SLCO1A2: variants seen among roughly 807,000 people sequenced by gnomAD.
The protein encoded by SLCO1A2 is OATP-1.
In SLCO1A2, 67 loss-of-function variants were observed where a neutral mutation model predicts 69.0. The ratio of observed to expected loss-of-function variants is 0.97; its 90% CI spans 0.80 to 1.19. The LOEUF (loss-of-function observed/expected upper bound fraction) is 1.19, where lower values mean the gene tolerates loss of function less well. Ranked by LOEUF, SLCO1A2 falls within the 50% of genes most tolerant of loss-of-function variation. The probability of loss-of-function intolerance (pLI) is 0.00; values close to 1 mark genes in which losing one functional copy is unlikely to be tolerated. For missense variants in SLCO1A2, 787 were observed against 793.7 expected (o/e 0.99, Z 0.10); for synonymous variants, 260 against 265.9 (o/e 0.98, Z 0.22).
intron 1 of SLCO1A2, among the ~76,000 whole-genome samples, chr12:21,387,718 C>T (rs1940952319): frequency 1.3e-5 from 2 of 152,188 alleles, no homozygotes; most frequent in Admixed American, 1.3e-4. Flanking sequence ...GGAGCGCCCC[C>T]ACAGAGTCCC....
intron 2 of SLCO1A2, among the ~76,000 whole-genome samples, chr12:21,355,643 C>A (rs1047717289): frequency 6.6e-6 from 1 of 152,142 alleles, no homozygotes; most frequent in African/African-American, 2.4e-5. Flanking sequence ...GCAACCAAAT[C>A]TTTTCTCAGG....
At chr12:21,295,522 G>A (rs954580185) in intron 10 of SLCO1A2, 75 bp downstream of exon 10, 69 of 886,188 alleles carry the variant, frequency 7.8e-5, no homozygotes, top group African/African-American at 7.0e-4. Context: ...TGATCTGATC[G>A]TGCATTGCCA....
chr12:21,372,760 T>C (rs914376780), intron 2 of SLCO1A2: 1 of 155,854 alleles, frequency 6.4e-6, no homozygotes, highest in African/African-American at 2.4e-5. Context: ...AATGTAATAA[T>C]GACCCATCCG....
At position 21,311,992 on chromosome 12, in the gene SLCO1A2, G is replaced by A. The variant is rs555342791; in HGVS notation, c.335+2557C>T. Among the ~76,000 whole-genome samples the A allele has an allele frequency of 8.5e-3, 1,232 of 144,374 alleles. 4 individuals carry two copies. The highest frequency in any genetic ancestry group is 0.022 in the Middle Eastern group (6 of 278). The allele number at this position is 144,374 out of a possible 152,430, so 94.7% of individuals were successfully genotyped here. A position where few individuals can be genotyped will look rare whatever the true frequency, so the allele number is the denominator to read the frequency against. On this transcript the variant is annotated intron_variant, in intron 4 of 14. Transcript: ENST00000683939. ...AGAAGAAGGAGGAGGAGGAGGAAGA[G>A]GAGGAGGAGGAGAAGAAGAGGAGGA...
chr12:21,295,701 G>T lies in SLCO1A2; in HGVS notation c.1167C>A (p.His389Gln). 6.2e-7 allele frequency: 1 copy of T among 1,608,268 alleles called. No individual in the cohort carries two copies. The highest frequency in any genetic ancestry group is 8.5e-7 in the Non-Finnish European group (1 of 1,174,902). Residue 389 changes from histidine to glutamine, a missense_variant, in exon 10 of 15, where the codon CAC (histidine) becomes CAA (glutamine). By Grantham distance (24) the His-to-Gln change is conservative (BLOSUM62 0). Coordinates refer to ENST00000683939, the MANE Select transcript of SLCO1A2 (RefSeq NM_001386879.1). ...CAAGTAAGGATAACCAACATCCTAT[G>T]TGGGCAGCTTGTTTGACAGTAATCT... ...KFKITVKQAA[H>Q]IGCWLSLLEY...
Position 21,269,714 on chromosome 12 carries a change from G to T in SLCO1A2, c.1847C>A (p.Ala616Asp), listed in dbSNP as rs1942442567. 2 of 1,612,476 alleles carry T rather than the reference G, an allele frequency of 1.2e-6. No homozygotes were observed. Among genetic ancestry groups the T allele is most frequent in the Non-Finnish European group, 1.7e-6 (2 of 1,178,942 alleles). ...AALRGSSFVP[A>D]LIILILLRKC... ...CCTCAAAAGAATTAAGATGATTAAG[G>T]CTGGAACAAAGCTTGATCCTCTTAG... Residue 616 changes from alanine (A) to aspartate (D), a missense_variant, in exon 15 of 15, where the codon GCC (alanine) becomes GAC (aspartate). Coordinates refer to ENST00000683939, the MANE Select transcript of SLCO1A2 (RefSeq NM_001386879.1).
At chr12:21,383,349 C>T (rs1166010942) in intron 1 of SLCO1A2, among the ~76,000 whole-genome samples, 1 of 152,196 alleles carries the variant, frequency 6.6e-6, no homozygotes, top group Non-Finnish European at 1.5e-5. Context: ...AGTAGACCCA[C>T]ATCCTATAGC....
chr12:21,340,075 A>G (rs1953017025), intron 2 of SLCO1A2, among the ~76,000 whole-genome samples: 1 of 152,032 alleles, frequency 6.6e-6, no homozygotes, highest in Non-Finnish European at 1.5e-5. Context: ...GATTCTCAGT[A>G]AGAAAAAAAT....
In SLCO1A2 at chr12:21,269,213, A is replaced by G. The variant is rs1474595327; in HGVS notation, c.*335T>C. ...ATTTAGTGGAATTAAATAGGTTTTC[A>G]TAACAGAAAATTTTTAGAAGTATTA... is the stretch of plus-strand genomic sequence containing the variant. On this transcript the variant is annotated 3_prime_UTR_variant, in exon 15 of 15. Coordinates refer to ENST00000683939, the MANE Select transcript of SLCO1A2 (RefSeq NM_001386879.1). The G allele has an allele frequency of 6.0e-6, 1 of 166,324 alleles. No homozygotes were observed. The highest frequency in any genetic ancestry group is 1.3e-5 in the Non-Finnish European group (1 of 77,964). The allele number at this position is 166,324 out of a possible 1,614,324, so 10.3% of individuals were successfully genotyped here.
intron 2 of SLCO1A2, among the ~76,000 whole-genome samples, chr12:21,330,188 A>T (rs1300279938): frequency 3.3e-5 from 5 of 152,070 alleles, no homozygotes; most frequent in Admixed American, 3.3e-4. Context: ...TCTGTTTCTT[A>T]GTTTCAACTA....
Position 21,300,519 on chromosome 12 carries a change from A to C in SLCO1A2, c.739T>G (p.Phe247Val). ...ACTCCTGCACAAATCAGAAAGCCAA[A>C]CCACCATGCACCGACCCAACGAGTG... ...TDTRWVGAWWFGFLICAGVNV... is the reference protein window; with the variant it reads ...TDTRWVGAWWVGFLICAGVNV... Residue 247 changes from phenylalanine to valine, a missense_variant, in exon 8 of 15, where the codon TTT becomes GTT. Phe to Val is a conservative substitution (Grantham distance 50, BLOSUM62 -1). Transcript: ENST00000683939. 1 of 1,613,332 alleles carries C rather than the reference A, an allele frequency of 6.2e-7. No individual in the cohort carries two copies. The highest frequency in any genetic ancestry group is 2.2e-5 in the East Asian group (1 of 44,810).
chr12:21,327,132 A>C (rs548577260), intron 2 of SLCO1A2, among the ~76,000 whole-genome samples: 1 of 152,184 alleles, frequency 6.6e-6, no homozygotes, highest in African/African-American at 2.4e-5. Context: ...GCCAATGTAC[A>C]CTCAGGCCAC....
At chr12:21,372,255 T>G (rs1484076951) in intron 2 of SLCO1A2, among the ~76,000 whole-genome samples, 4 of 152,176 alleles carry the variant, frequency 2.6e-5, no homozygotes, top group Non-Finnish European at 5.9e-5. Context: ...CCTATGGATC[T>G]CTATCTAAGT....
At chr12:21,360,169 G>A (rs7959775) in intron 2 of SLCO1A2, among the ~76,000 whole-genome samples, 7,861 of 152,196 alleles carry the variant, frequency 0.052, 284 homozygotes, top group Non-Finnish European at 0.079. Flanking sequence ...GAAGTGTAAC[G>A]AGATAAACTA....
In SLCO1A2 at chr12:21,295,599, T is replaced by C; in HGVS notation, c.1269A>G (p.Glu423=). The C allele has an allele frequency of 6.4e-7, 1 of 1,560,774 alleles. No homozygotes were observed. The highest frequency in any genetic ancestry group is 8.8e-7 in the Non-Finnish European group (1 of 1,133,362). The change falls in exon 10 of 15, where the codon GAA becomes GAG. Residue 423 remains glutamate, a splice_region_variant and synonymous_variant. Coordinates refer to ENST00000683939, the MANE Select transcript of SLCO1A2 (RefSeq NM_001386879.1). The part of the protein sequence containing the change: ...SSVVGINTSY[E]GIPQDLYVEN... ...ACATTCATTAGAAAACAACATACCC[T>C]TCATAAGAGGTATTTATTCCAACAA... is the stretch of plus-strand genomic sequence containing the variant.
chr12:21,317,971 G>A (rs2136752292), intron 3 of SLCO1A2, among the ~76,000 whole-genome samples: 1 of 151,974 alleles, frequency 6.6e-6, no homozygotes, highest in Middle Eastern at 3.4e-3. Context: ...TGAATTCAGA[G>A]AGCTATAAAA....
At position 21,304,540 on chromosome 12, in the gene SLCO1A2, A is replaced by C; in HGVS notation, c.476T>G (p.Val159Gly). ...CTKEVKSLMW[V>G]YVLVGNIVRG... ...TACAATATTGCCTACTAGGACGTAC[A>C]CCCACATTAATGATTTAACTTCCTT... The change falls in exon 6 of 15, where the codon GTG (valine) becomes GGG (glycine). Residue 159 changes from valine (V) to glycine (G), a missense_variant. Transcript: ENST00000683939. 2 of 1,612,840 alleles carry C rather than the reference A, an allele frequency of 1.2e-6. No individual in the cohort carries two copies. Among genetic ancestry groups the C allele is most frequent in the Non-Finnish European group, 1.7e-6 (2 of 1,179,332 alleles).
intron 12 of SLCO1A2, among the ~76,000 whole-genome samples, chr12:21,289,464 A>G (rs1946488989): frequency 6.6e-6 from 1 of 152,058 alleles, no homozygotes; most frequent in African/African-American, 2.4e-5. Context: ...TCTCAGCCCC[A>G]CACTCAGACC....
chr12:21,345,895 T>G (rs568191600), intron 2 of SLCO1A2, among the ~76,000 whole-genome samples: 2 of 152,038 alleles, frequency 1.3e-5, no homozygotes, highest in Admixed American at 1.3e-4. Context: ...CCTAGGCTTA[T>G]TGCTTTTTTG....
Sources: allele counts gnomAD v4.1 joint callset (sites outside exome capture counted in the v4.1 genomes callset), GRCh38; gene constraint gnomAD v4.1.1; transcripts MANE v1.5; gene names NCBI Gene and HGNC (gene_info 2026-07-23, HGNC 2026-07-21).